The following ABCC1 variants were observed in gnomAD, a reference collection of about 807,000 sequenced individuals.
The protein encoded by ABCC1 is ATP binding cassette subfamily C member 1 (ABCC1 blood group).
ABCC1 carries 83 observed loss-of-function variants against 172.9 expected under a neutral mutation model. That is an observed-to-expected ratio of 0.48 (90% CI 0.40 to 0.58). ABCC1 has a LOEUF of 0.58. Ranked by LOEUF, ABCC1 falls within the 20% of genes least tolerant of loss-of-function variation. ABCC1 has a pLI of 0.00. For synonymous variants in ABCC1, 937 were observed against 825.2 expected (o/e 1.14, Z -2.32); for missense variants, 1,817 against 2,002.7 (o/e 0.91, Z 1.77).
At chr16:16,072,179 G>A (rs1297107111) in intron 14 of ABCC1, among the ~76,000 whole-genome samples, 1 of 95,456 alleles carries the variant, frequency 1.0e-5, no homozygotes, top group Admixed American at 1.0e-4. Flanking sequence ...AGTGTTACTT[G>A]GATTTTTTTT....
At chr16:16,097,264 C>T (rs2051521791) in intron 19 of ABCC1, among the ~76,000 whole-genome samples, 1 of 152,184 alleles carries the variant, frequency 6.6e-6, no homozygotes, top group Non-Finnish European at 1.5e-5. Context: ...GGATGCCTGC[C>T]ACCACGCCCG....
intron 1 of ABCC1, among the ~76,000 whole-genome samples, chr16:16,006,219 CAA>C (rs2047526999): frequency 1.3e-5 from 2 of 151,960 alleles, no homozygotes; most frequent in South Asian, 4.1e-4. Context: ...TAAGTTTTCC[CAA>C]AGTTATTTAG....
At chr16:16,085,875 A>G (rs2050986606) in intron 17 of ABCC1, among the ~76,000 whole-genome samples, 1 of 152,104 alleles carries the variant, frequency 6.6e-6, no homozygotes, top group African/African-American at 2.4e-5. Flanking sequence ...GTAACCTGTG[A>G]TTTCCAGCCA....
At chr16:16,109,158 C>T (rs376730088) in intron 21 of ABCC1, among the ~76,000 whole-genome samples, 2 of 152,086 alleles carry the variant, frequency 1.3e-5, no homozygotes, top group Non-Finnish European at 2.9e-5. Context: ...TCAGCTAGAC[C>T]GTAGGGTCAG....
At chr16:16,112,373 A>AC (rs1361349560) in intron 22 of ABCC1, among the ~76,000 whole-genome samples, 17 of 147,692 alleles carry the variant, frequency 1.2e-4, no homozygotes, top group African/African-American at 4.3e-4. Flanking sequence ...CAAAAAATAA[A>AC]CAAAAAAAAA....
chr16:16,071,500 T>C, intron 13 of ABCC1, 142 bp from the exon 14 acceptor site: 1 of 643,510 alleles, frequency 1.6e-6, no homozygotes, highest in Middle Eastern at 2.5e-4. Flanking sequence ...TATACACTGG[T>C]TCTAAGAAAT....
chr16:16,128,744 A>G (rs962906928), intron 26 of ABCC1, among the ~76,000 whole-genome samples: 10 of 152,352 alleles, frequency 6.6e-5, no homozygotes, highest in East Asian at 3.9e-4. Flanking sequence ...CACGCCTGCA[A>G]TCCCAGCACT....
Position 15,957,046 on chromosome 16 carries a change from T to G in ABCC1, c.48+7247T>G, listed in dbSNP as rs78431957. Among the ~76,000 whole-genome samples the G allele has an allele frequency of 2.0e-3, 308 of 152,174 alleles. 8 individuals are homozygous for G. In the East Asian group the frequency reaches 0.043, roughly 21 times the overall value. The stretch of plus-strand genomic sequence containing the variant: ...GTCTGGAATGAACACTCAGATAAAC[T>G]GAGTCCTCCAGCTTTCTCATCAGAT... On this transcript the variant is annotated intron_variant, in intron 1 of 30. Coordinates refer to ENST00000399410, the MANE Select transcript of ABCC1 (RefSeq NM_004996.4).
intron 1 of ABCC1, 129 bp from the exon 2 acceptor site, chr16:16,007,687 A>C: frequency 1.3e-6 from 1 of 794,610 alleles, no homozygotes; most frequent in South Asian, 2.3e-5. Flanking sequence ...TTCATCCTGA[A>C]AGGTCCTTGG....
intron 1 of ABCC1, among the ~76,000 whole-genome samples, chr16:15,952,689 T>C (rs912610199): frequency 1.0e-4 from 9 of 88,508 alleles, no homozygotes; most frequent in Non-Finnish European, 2.2e-5. Context: ...GTTGGAAAAA[T>C]GGGCCTGGGA....
intron 1 of ABCC1, among the ~76,000 whole-genome samples, chr16:15,960,832 A>G (rs2151498416): frequency 6.6e-6 from 1 of 152,042 alleles, no homozygotes; most frequent in East Asian, 1.9e-4. Context: ...ATCTCATAAA[A>G]ATCTAGCCTG....
At chr16:16,124,337 G>GTGTGTGTA (rs10673886) in intron 24 of ABCC1, among the ~76,000 whole-genome samples, 64,634 of 122,764 alleles carry the variant, frequency 0.53, 18,202 homozygotes, top group Middle Eastern at 0.61. Flanking sequence ...GTGTGTGTGT[G>GTGTGTGTA]TGTGTGTGTG....
chr16:16,055,982 T>G, intron 11 of ABCC1, 110 bp from the exon 12 acceptor site: 1 of 955,900 alleles, frequency 1.0e-6, no homozygotes, highest in Non-Finnish European at 1.5e-6. Flanking sequence ...TAAAAAACAT[T>G]TACATGTCAA....
At chr16:16,005,909 G>GCTTGAA (rs2047512939) in intron 1 of ABCC1, among the ~76,000 whole-genome samples, 1 of 151,590 alleles carries the variant, frequency 6.6e-6, no homozygotes, top group Non-Finnish European at 1.5e-5. Context: ...AGCCGAGATC[G>GCTTGAA]CTTGAACCCG....
chr16:16,104,391 C>T (rs1005757311), intron 20 of ABCC1, among the ~76,000 whole-genome samples: 2 of 152,132 alleles, frequency 1.3e-5, no homozygotes, highest in African/African-American at 4.8e-5. Context: ...AACCCCTGAG[C>T]TAGATACGTA....
At chr16:16,106,537 T>C in intron 20 of ABCC1, 1 of 576,586 alleles carries the variant, frequency 1.7e-6, no homozygotes. Flanking sequence ...GACACTGCCT[T>C]TCTCTGGGTA....
chr16:15,987,556 C>T (rs944442569), intron 1 of ABCC1, among the ~76,000 whole-genome samples: 1 of 152,190 alleles, frequency 6.6e-6, no homozygotes, highest in Non-Finnish European at 1.5e-5. Flanking sequence ...CCACAGAGTG[C>T]CAATAGCACT....
intron 6 of ABCC1, among the ~76,000 whole-genome samples, chr16:16,035,651 T>C (rs2048725730): frequency 6.6e-6 from 1 of 151,674 alleles, no homozygotes; most frequent in Non-Finnish European, 1.5e-5. Flanking sequence ...CCATCATGAC[T>C]GGCTAATTTT....
At chr16:16,137,415 C>T (rs933279417) in intron 29 of ABCC1, among the ~76,000 whole-genome samples, 12 of 152,162 alleles carry the variant, frequency 7.9e-5, no homozygotes, top group Non-Finnish European at 1.3e-4. Flanking sequence ...GCCCCTATTG[C>T]ATCTAACAGT....
Sources: gnomAD v4.1 joint callset for allele counts (sites outside exome capture counted in the v4.1 genomes callset) on GRCh38, gnomAD v4.1.1 for gene constraint, MANE v1.5 for transcripts, NCBI Gene and HGNC (gene_info 2026-07-23, HGNC 2026-07-21) for gene names.